The following C21orf58 variants were observed in gnomAD, a reference collection of about 807,000 sequenced individuals.
C21orf58 encodes uncharacterized protein C21orf58.
C21orf58 carries 34 observed loss-of-function variants against 35.8 expected under a neutral mutation model. That is an observed-to-expected ratio of 0.95 (90% CI 0.72 to 1.26). The LOEUF is 1.26. Among genes scored for constraint, C21orf58 ranks in the 50% most tolerant of loss-of-function variants. The pLI, the probability that C21orf58 is intolerant of heterozygous loss-of-function variation, is 0.00. For synonymous variants in C21orf58, 191 were observed against 175.8 expected (o/e 1.09, Z -0.68); for missense variants, 440 against 414.3 (o/e 1.06, Z -0.54).
chr21:46,302,635 G>A (rs1167560212), intron 6 of C21orf58, 59 bp from the exon 7 acceptor site: 1 of 1,341,490 alleles, frequency 7.5e-7, no homozygotes, highest in African/African-American at 1.4e-5. Context: ...ATTTGTTAAA[G>A]TGATAGAGCA....
intron 1 of C21orf58, 121 bp downstream of exon 1, chr21:46,322,518 C>T (rs1432506249): frequency 4.6e-6 from 6 of 1,302,728 alleles, no homozygotes; most frequent in Non-Finnish European, 5.9e-6. Flanking sequence ...GGGTGCAGCC[C>T]CTGCTCGCTT....
chr21:46,319,004 G>T, intron 1 of C21orf58: 1 of 270,102 alleles, frequency 3.7e-6, no homozygotes, highest in Non-Finnish European at 5.7e-6. Context: ...CCTCGGTGCA[G>T]CTAACCCAGG....
rs2082121692 is a variant in C21orf58 at position 46,301,941 on chromosome 21, A to C, written c.*58T>G. On this transcript the variant is annotated 3_prime_UTR_variant, in exon 8 of 8. Transcript: ENST00000291691. ...CTTCCATAGTCCCGCCACAGCCCAC[A>C]GCCCTGAGGAAGCCTGGGGGTGGAG... 3 of 1,434,362 alleles carry C rather than the reference A, an allele frequency of 2.1e-6. No homozygotes were observed. In the East Asian group the frequency reaches 8.1e-5, roughly 39 times the overall value. 88.9% of individuals were successfully genotyped at this position (1,434,362 alleles called of 1,614,324 possible). A position where few individuals can be genotyped will look rare whatever the true frequency, so the allele number is the denominator to read the frequency against.
chr21:46,318,043 A>C lies in C21orf58; in HGVS notation c.278T>G (p.Val93Gly). Residue 93 changes from valine (V) to glycine (G), a missense_variant, in exon 2 of 8, where the codon GTG (valine) becomes GGG (glycine). Coordinates refer to ENST00000291691, the MANE Select transcript of C21orf58 (RefSeq NM_058180.5). ...TMLDSSAAEQ[V>G]TRLTLKLLGQ... ...CAAGAGCTTCAGCGTCAGTCGGGTCACTTGCTCTGCTGCTGATGAGTCCAG... is the reference window on the plus strand; with the variant it reads ...CAAGAGCTTCAGCGTCAGTCGGGTCCCTTGCTCTGCTGCTGATGAGTCCAG... The C allele has an allele frequency of 6.2e-7, 1 of 1,613,466 alleles. No homozygotes were observed. Among genetic ancestry groups the C allele is most frequent in the East Asian group, 2.2e-5 (1 of 44,886 alleles).
rs1047766677 is a variant in C21orf58 at position 46,319,899 on chromosome 21, GA to G, written c.101-1680del. On this transcript the variant is annotated intron_variant, in intron 1 of 7. Coordinates refer to ENST00000291691, the MANE Select transcript of C21orf58 (RefSeq NM_058180.5). The stretch of plus-strand genomic sequence containing the variant: ...GCAACAAGAGCAAAACCTCCGTCTG[GA>G]AAAAAAATAAAAAAAATAAAAAAAT... Among the ~76,000 whole-genome samples the G allele has an allele frequency of 4.0e-5, 6 of 149,606 alleles. No individual in the cohort carries two copies. The South Asian group carries it at 6.4e-4, about 16-fold the overall frequency.
chr21:46,300,941 A>G (rs1188080803), downstream of C21orf58: 2 of 809,828 alleles, frequency 2.5e-6, no homozygotes, highest in Non-Finnish European at 3.4e-6. Context: ...CCACATGGTA[A>G]GAAACCCCAC....
At chr21:46,313,389 A>T (rs536043788) in intron 5 of C21orf58, among the ~76,000 whole-genome samples, 26 of 152,268 alleles carry the variant, frequency 1.7e-4, no homozygotes, top group African/African-American at 6.3e-4. Flanking sequence ...CCTGGCACAG[A>T]CCCATGAGGC....
chr21:46,311,634 C>T (rs1427040813), intron 5 of C21orf58, 67 bp from the exon 6 acceptor site: 1 of 878,834 alleles, frequency 1.1e-6, no homozygotes, highest in Non-Finnish European at 1.7e-6. Context: ...GTATCTACCA[C>T]CCATCCATCC....
intron 3 of C21orf58, among the ~76,000 whole-genome samples, chr21:46,316,293 T>A (rs1300335285): frequency 6.6e-6 from 1 of 151,960 alleles, no homozygotes; most frequent in Non-Finnish European, 1.5e-5. Flanking sequence ...CCTTCTCTAC[T>A]AAAAATACAA....
intron 4 of C21orf58, 58 bp from the exon 5 acceptor site, chr21:46,314,938 G>C: frequency 1.9e-6 from 3 of 1,550,344 alleles, no homozygotes; most frequent in Non-Finnish European, 2.6e-6. Flanking sequence ...ACGCCACAGA[G>C]GCACCCCCAG....
intron 3 of C21orf58, among the ~76,000 whole-genome samples, 170 bp from the exon 4 acceptor site, chr21:46,315,717 A>G: frequency 6.6e-6 from 1 of 152,120 alleles, no homozygotes; most frequent in East Asian, 1.9e-4. Flanking sequence ...ATAAAGAGGG[A>G]CCAGTGTTGG....
chr21:46,309,958 C>G (rs561801763), intron 6 of C21orf58, among the ~76,000 whole-genome samples: 3 of 151,860 alleles, frequency 2.0e-5, no homozygotes, highest in Admixed American at 1.3e-4. Context: ...GATCACGCCA[C>G]TGCACTCCAG....
intron 1 of C21orf58, among the ~76,000 whole-genome samples, chr21:46,321,228 G>A (rs555875280): frequency 1.3e-5 from 2 of 152,138 alleles, no homozygotes; most frequent in South Asian, 4.1e-4. Context: ...GAGTGCAATG[G>A]TGCAATCTTG....
chr21:46,300,679 TGCAGCTCAGTG>T, downstream of C21orf58: 2 of 1,281,166 alleles, frequency 1.6e-6, no homozygotes, highest in Non-Finnish European at 2.0e-6. Flanking sequence ...TGGGGAGCTC[TGCAGCTCAGTG>T]GCAACTCTCT....
At position 46,301,591 on chromosome 21, in the gene C21orf58, G is replaced by T; in HGVS notation, c.*408C>A. On this transcript the variant is annotated 3_prime_UTR_variant, in exon 8 of 8. Transcript: ENST00000291691. ...TTTTCTGTTCTGGCTCCTGAGCTGA[G>T]ATTTTCTTAAACTCTTTCTGGATGA... The T allele has an allele frequency of 1.0e-6, 1 of 1,004,036 alleles. No homozygotes were observed. The highest frequency in any genetic ancestry group is 5.0e-4 in the Middle Eastern group (1 of 1,998). The allele number at this position is 1,004,036 out of a possible 1,614,324, so 62.2% of individuals were successfully genotyped here.
At chr21:46,300,980 G>A, downstream of C21orf58, 1 of 775,094 alleles carries the variant, frequency 1.3e-6, no homozygotes, top group South Asian at 2.0e-5. Context: ...ACTGAGGGGA[G>A]TGAGCCGCCC....
At position 46,322,870 on chromosome 21, in the gene C21orf58, A is replaced by G. The variant is rs1436841862; in HGVS notation, c.-132T>C. On this transcript the variant is annotated 5_prime_UTR_variant, in exon 1 of 8. Transcript: ENST00000291691. The stretch of plus-strand genomic sequence containing the variant: ...GGAGGCTGCAAGGTGAGCTTGCGTC[A>G]GCGAGGAGCCACTCCAGCACGCTCG... The G allele has an allele frequency of 1.7e-6, 1 of 582,048 alleles. No individual in the cohort carries two copies. Among genetic ancestry groups the G allele is most frequent in the African/African-American group, 1.9e-5 (1 of 52,222 alleles). 36.1% of individuals were successfully genotyped at this position (582,048 alleles called of 1,614,324 possible). A position where few individuals can be genotyped will look rare whatever the true frequency, so the allele number is the denominator to read the frequency against.
intron 7 of C21orf58, 110 bp downstream of exon 7, chr21:46,302,375 C>T (rs2082145185): frequency 9.2e-7 from 1 of 1,092,148 alleles, no homozygotes; most frequent in African/African-American, 1.6e-5. Flanking sequence ...AGACTGTAGA[C>T]CTGAGCCAGG....
At chr21:46,317,908 C>T (rs2083035164) in intron 2 of C21orf58, 104 bp downstream of exon 2, 17 of 1,310,804 alleles carry the variant, frequency 1.3e-5, no homozygotes, top group Non-Finnish European at 1.6e-5. Context: ...AGGCCTAGCC[C>T]TTGGGGCCCT....
Sources: allele counts gnomAD v4.1 joint callset (sites outside exome capture counted in the v4.1 genomes callset), GRCh38; gene constraint gnomAD v4.1.1; transcripts MANE v1.5; gene names NCBI Gene and HGNC (gene_info 2026-07-23, HGNC 2026-07-21).